Variants in CTNNA2 observed in about 807,000 individuals in gnomAD.
CTNNA2 encodes catenin alpha 2.
A neutral mutation model predicts 101.0 loss-of-function variants in CTNNA2; 42 were observed. The observed-to-expected ratio is 0.42, with a 90% CI of 0.32 to 0.54. The LOEUF (loss-of-function observed/expected upper bound fraction) is 0.54. Among genes scored for constraint, CTNNA2 ranks in the 20% least tolerant of loss-of-function variants. CTNNA2 has a pLI of 0.14. For missense variants in CTNNA2, 871 were observed against 1,223.1 expected (o/e 0.71, Z 4.29); for synonymous variants, 450 against 456.4 (o/e 0.99, Z 0.18).
At chr2:80,159,327 C>T (rs1704171831) in intron 7 of CTNNA2, among the ~76,000 whole-genome samples, 1 of 152,124 alleles carries the variant, frequency 6.6e-6, no homozygotes, top group Non-Finnish European at 1.5e-5. Context: ...TGCCAGATTG[C>T]CTTCCAGATT....
intron 7 of CTNNA2, among the ~76,000 whole-genome samples, chr2:80,071,731 G>C (rs534458582): frequency 6.8e-4 from 103 of 152,280 alleles, no homozygotes; most frequent in African/African-American, 2.4e-3. Context: ...CTAAAATGCT[G>C]TTCAACGTTG....
intron 6 of CTNNA2, among the ~76,000 whole-genome samples, chr2:79,879,736 T>A (rs1007282951): frequency 1.3e-5 from 2 of 152,170 alleles, no homozygotes; most frequent in African/African-American, 4.8e-5. Flanking sequence ...GATGGGGTTT[T>A]CTTGATATAC....
intron 1 of CTNNA2, among the ~76,000 whole-genome samples, chr2:79,623,716 A>C (rs1308394584): frequency 1.3e-5 from 2 of 152,220 alleles, no homozygotes; most frequent in Admixed American, 6.5e-5. Flanking sequence ...ATTCAGATGC[A>C]TGTGTACAGT....
chr2:80,155,244 A>T (rs1411207491), intron 7 of CTNNA2, among the ~76,000 whole-genome samples: 2 of 152,242 alleles, frequency 1.3e-5, no homozygotes, highest in Non-Finnish European at 2.9e-5. Flanking sequence ...TCACAGTTTG[A>T]GGACTGCTGA....
rs570221896 is a variant in CTNNA2 at position 79,274,591 on chromosome 2, A to G, written c.-405-38118A>G. Among the ~76,000 whole-genome samples the G allele has an allele frequency of 7.2e-5, 11 of 152,184 alleles. No homozygotes were observed. In the South Asian group the frequency reaches 2.3e-3, roughly 32 times the overall value. ...TATCATTCAAGTATTTTTTGAAATG[A>G]TATGTATAATTATTTTTGATAAAAT... is the stretch of plus-strand genomic sequence containing the variant. On this transcript the variant is annotated intron_variant, in intron 2 of 21. Coordinates refer to the CTNNA2 transcript ENST00000466387.
chr2:79,476,209 T>C (rs1671047914), intron 4 of CTNNA2, among the ~76,000 whole-genome samples: 1 of 152,158 alleles, frequency 6.6e-6, no homozygotes, highest in Non-Finnish European at 1.5e-5. Context: ...ACCAGGAATC[T>C]CAGCCAAGCC....
At chr2:79,663,119 C>T (rs2104537473) in intron 2 of CTNNA2, among the ~76,000 whole-genome samples, 1 of 152,204 alleles carries the variant, frequency 6.6e-6, no homozygotes, top group South Asian at 2.1e-4. Flanking sequence ...GTCACACACC[C>T]AAGAGTTCTC....
chr2:79,788,277 C>G (rs151138754), intron 3 of CTNNA2, among the ~76,000 whole-genome samples: 133 of 152,140 alleles, frequency 8.7e-4, no homozygotes, highest in Middle Eastern at 6.8e-3. Flanking sequence ...AAAGCCTAAA[C>G]TCAGAAATAA....
At chr2:79,516,102 C>G (rs1331927426) in intron 1 of CTNNA2, among the ~76,000 whole-genome samples, 2 of 152,144 alleles carry the variant, frequency 1.3e-5, no homozygotes, top group Non-Finnish European at 2.9e-5. Context: ...AGTACAGGCT[C>G]TAGTTCTTAG....
intron 7 of CTNNA2, among the ~76,000 whole-genome samples, chr2:80,101,773 G>A (rs973905263): frequency 6.6e-6 from 1 of 152,130 alleles, no homozygotes; most frequent in Non-Finnish European, 1.5e-5. Context: ...TAATTGATTA[G>A]AGATACACCA....
chr2:80,431,872 A>G (rs1457458344), intron 9 of CTNNA2, among the ~76,000 whole-genome samples: 1 of 152,196 alleles, frequency 6.6e-6, no homozygotes, highest in Non-Finnish European at 1.5e-5. Context: ...CCATCGGTTT[A>G]TAAAAATTAA....
At chr2:80,012,583 C>T (rs1693866941) in intron 7 of CTNNA2, among the ~76,000 whole-genome samples, 1 of 152,202 alleles carries the variant, frequency 6.6e-6, no homozygotes, top group Non-Finnish European at 1.5e-5. Context: ...ACTCTCCTGT[C>T]ATGGCATGAA....
intron 6 of CTNNA2, among the ~76,000 whole-genome samples, chr2:79,908,118 A>G (rs1685547060): frequency 1.3e-5 from 2 of 152,226 alleles, no homozygotes; most frequent in African/African-American, 2.4e-5. Flanking sequence ...GTTATTGTAT[A>G]TACTACATCA....
At chr2:79,218,658 G>C (rs915277344) in intron 2 of CTNNA2, among the ~76,000 whole-genome samples, 21 of 152,138 alleles carry the variant, frequency 1.4e-4, no homozygotes, top group African/African-American at 4.6e-4. Flanking sequence ...AACTACTGTA[G>C]CACTATAGGG....
intron 7 of CTNNA2, among the ~76,000 whole-genome samples, chr2:79,998,731 C>A (rs1348152570): frequency 6.6e-6 from 1 of 152,062 alleles, no homozygotes; most frequent in Non-Finnish European, 1.5e-5. Flanking sequence ...ATTGCCTAAC[C>A]CCTTTAAAAG....
intron 15 of CTNNA2, among the ~76,000 whole-genome samples, chr2:80,592,453 C>G (rs1696595391): frequency 6.6e-6 from 1 of 152,136 alleles, no homozygotes; most frequent in East Asian, 1.9e-4. Context: ...AGGCTTCTGT[C>G]CTAATTTTGT....
chr2:80,042,406 TA>T (rs543569223), intron 7 of CTNNA2, among the ~76,000 whole-genome samples: 22 of 152,310 alleles, frequency 1.4e-4, no homozygotes, highest in African/African-American at 5.1e-4. Flanking sequence ...GGTTTAATAA[TA>T]TTTATATACT....
intron 1 of CTNNA2, among the ~76,000 whole-genome samples, chr2:79,537,981 T>G (rs1033082994): frequency 3.9e-5 from 6 of 152,136 alleles, no homozygotes; most frequent in Non-Finnish European, 7.4e-5. Context: ...ACATTATTGA[T>G]TCTACTTTTG....
intron 2 of CTNNA2, among the ~76,000 whole-genome samples, chr2:79,278,929 CAGAGAATTCAT>C (rs1040387847): frequency 1.3e-5 from 2 of 152,056 alleles, no homozygotes; most frequent in Non-Finnish European, 2.9e-5. Flanking sequence ...GGTCTTCCCT[CAGAGAATTCAT>C]AGAAAGTGTC....
Sources: allele counts gnomAD v4.1 joint callset (sites outside exome capture counted in the v4.1 genomes callset), GRCh38; gene constraint gnomAD v4.1.1; transcripts MANE v1.5; gene names NCBI Gene and HGNC (gene_info 2026-07-23, HGNC 2026-07-21).